Variants in PLS3 observed in about 807,000 individuals in gnomAD.
PLS3 encodes plastin 3.
PLS3 carries 11 observed loss-of-function variants against 46.5 expected under a neutral mutation model. The observed-to-expected ratio is 0.24, with a 90% confidence interval of 0.15 to 0.39. The LOEUF is 0.39. Ranked by LOEUF, PLS3 falls within the 10% of genes least tolerant of loss-of-function variation. The pLI, the probability that PLS3 is intolerant of heterozygous loss-of-function variation, is 1.00. For synonymous variants in PLS3, 167 were observed against 162.2 expected (o/e 1.03, Z -0.22); for missense variants, 308 against 461.8 (o/e 0.67, Z 3.05).
At chrX:115,637,171 G>A (rs2074846359) in intron 8 of PLS3, among the ~76,000 whole-genome samples, 193 bp downstream of exon 8, 1 of 111,820 alleles carries the variant, frequency 8.9e-6, no homozygotes, top group Non-Finnish European at 1.9e-5. Flanking sequence ...GTGGGAAAAG[G>A]TAAAAATATT....
chrX:115,613,499 C>G (rs1556636362), intron 2 of PLS3, among the ~76,000 whole-genome samples: 1 of 111,092 alleles, frequency 9.0e-6, no homozygotes, highest in Non-Finnish European at 1.9e-5. Flanking sequence ...TTTAATTATG[C>G]CTTAAAACAA....
At chrX:115,565,469 C>T (rs1556630011) in intron 1 of PLS3, among the ~76,000 whole-genome samples, 1 of 111,004 alleles carries the variant, frequency 9.0e-6, no homozygotes, top group African/African-American at 3.3e-5. Context: ...TAGTGCTCTG[C>T]CATTGACTCA....
rs184415179 is a variant in PLS3, at chrX:115,583,214, T to C, written c.-9+21954T>C. On this transcript the variant is annotated intron_variant, in intron 1 of 15. Coordinates refer to ENST00000355899, the MANE Select transcript of PLS3 (RefSeq NM_005032.7). Reference sequence around the variant, plus strand: ...TAAAGCTCAGGACAGTCTACTTGTCTGAAAAAGAAATACCAAAAGTATACA... The same window carrying C: ...TAAAGCTCAGGACAGTCTACTTGTCCGAAAAAGAAATACCAAAAGTATACA... Among the ~76,000 whole-genome samples, 304 of 112,433 alleles carry C rather than the reference T, an allele frequency of 2.7e-3. 1 individual carries two copies. The highest frequency in any genetic ancestry group is 4.3e-3 in the Non-Finnish European group (227 of 53,289).
At chrX:115,583,325 T>TA (rs1416424023) in intron 1 of PLS3, among the ~76,000 whole-genome samples, 1 of 112,684 alleles carries the variant, frequency 8.9e-6, no homozygotes, top group Non-Finnish European at 1.9e-5. Flanking sequence ...AAGCAGGCCA[T>TA]TCATGGCAAA....
chrX:115,650,741 G>C lies in PLS3; in HGVS notation c.*1180G>C. On this transcript the variant is annotated 3_prime_UTR_variant, in exon 16 of 16. Coordinates refer to ENST00000355899, the MANE Select transcript of PLS3 (RefSeq NM_005032.7). ...TGTTTGTCAGGATTTTTTTCTTTTT[G>C]TTTTTCTGATGTATTCTGTAAAATG... The C allele has an allele frequency of 9.0e-6, 1 of 111,475 alleles. No homozygotes were observed. 9.2% of individuals were successfully genotyped at this position (111,475 alleles called of 1,213,427 possible).
At chrX:115,644,475 G>A (rs1556641424) in intron 10 of PLS3, among the ~76,000 whole-genome samples, 2 of 110,120 alleles carry the variant, frequency 1.8e-5, no homozygotes, top group African/African-American at 6.6e-5. Flanking sequence ...GTGCGCACCT[G>A]TAATCCAGAT....
At chrX:115,649,337 A>G in intron 15 of PLS3, 92 bp from the exon 16 acceptor site, 3 of 736,887 alleles carry the variant, frequency 4.1e-6, no homozygotes, top group Non-Finnish European at 5.8e-6. Context: ...TTTGCATCCC[A>G]GCATAATAAT....
intron 5 of PLS3, among the ~76,000 whole-genome samples, chrX:115,630,891 AAT>A (rs1380662987): frequency 3.1e-5 from 3 of 95,483 alleles, no homozygotes; most frequent in Non-Finnish European, 4.0e-5. Context: ...ATATATGTAT[AAT>A]ATATGTATAT....
intron 1 of PLS3, among the ~76,000 whole-genome samples, chrX:115,591,881 A>C (rs782336938): frequency 1.9e-4 from 21 of 112,458 alleles, no homozygotes; most frequent in African/African-American, 6.8e-4. Flanking sequence ...ACGGAAAAAC[A>C]TGTCCTATGA....
chrX:115,610,896 G>A, intron 2 of PLS3: 1 of 1,058,313 alleles, frequency 9.4e-7, no homozygotes, highest in Non-Finnish European at 1.3e-6. Flanking sequence ...CATATAACAT[G>A]CCTTACAATT....
At position 115,636,368 on chromosome X, in the gene PLS3, G is replaced by A. The variant is rs782265213; in HGVS notation, c.749-468G>A. On this transcript the variant is annotated intron_variant, in intron 7 of 15. Coordinates refer to ENST00000355899, the MANE Select transcript of PLS3 (RefSeq NM_005032.7). ...ACTACAGGCGCCCGCCACCACGCCC[G>A]GCTAATTTTTTGAATTTTTAGTAGA... Among the ~76,000 whole-genome samples the A allele has an allele frequency of 8.2e-5, 9 of 109,902 alleles. No homozygotes were observed. The South Asian group carries it at 1.6e-3, about 20-fold the overall frequency.
Position 115,646,145 on chromosome X carries a change from A to T in PLS3, c.1336A>T (p.Asn446Tyr). 8.4e-7 allele frequency: 1 copy of T among 1,183,752 alleles called. No individual in the cohort carries two copies. The highest frequency in any genetic ancestry group is 1.1e-6 in the Non-Finnish European group (1 of 871,266). Residue 446 changes from asparagine (N) to tyrosine (Y), a missense_variant, in exon 12 of 16, where the codon AAT becomes TAT. Around this residue, in one of 2 missense-constraint regions of PLS3, gnomAD observed 271 missense variants for 435.7 expected, o/e 0.62. Coordinates refer to ENST00000355899, the MANE Select transcript of PLS3 (RefSeq NM_005032.7). Reference protein sequence around the residue: ...IKVPVDWSKVNKPPYPKLGAN... With the variant: ...IKVPVDWSKVYKPPYPKLGAN... ...AGTTCCTGTTGACTGGAGTAAGGTT[A>T]ATAAACCTCCATACCCGAAACTGGG...
At chrX:115,601,641 T>A (rs1206441976) in intron 1 of PLS3, among the ~76,000 whole-genome samples, 7 of 107,823 alleles carry the variant, frequency 6.5e-5, no homozygotes, top group Non-Finnish European at 1.1e-4. Flanking sequence ...ATAAAAAAAA[T>A]ATATAAAAAG....
intron 1 of PLS3, among the ~76,000 whole-genome samples, chrX:115,575,537 G>A (rs781848977): frequency 4.5e-5 from 5 of 111,524 alleles, no homozygotes; most frequent in African/African-American, 1.3e-4. Flanking sequence ...TCCGCCTCCC[G>A]GGTTCACGCC....
chrX:115,563,439 T>G (rs2074152718), intron 1 of PLS3, among the ~76,000 whole-genome samples: 1 of 111,322 alleles, frequency 9.0e-6, no homozygotes, highest in Non-Finnish European at 1.9e-5. Flanking sequence ...TGGCCCAAGT[T>G]AAGGTTGCTT....
intron 1 of PLS3, among the ~76,000 whole-genome samples, chrX:115,582,740 T>A (rs782314845): frequency 3.8e-4 from 43 of 112,496 alleles, no homozygotes; most frequent in Non-Finnish European, 6.2e-4. Context: ...AACATTTTTT[T>A]AAAAAATTAA....
chrX:115,568,419 AAC>A (rs2074191299), intron 1 of PLS3, among the ~76,000 whole-genome samples: 1 of 112,370 alleles, frequency 8.9e-6, no homozygotes, highest in Non-Finnish European at 1.9e-5. Context: ...AAATTGGAAT[AAC>A]ACTATATCCC....
intron 1 of PLS3, among the ~76,000 whole-genome samples, chrX:115,577,410 A>G (rs1185262698): frequency 8.9e-6 from 1 of 111,765 alleles, no homozygotes; most frequent in Non-Finnish European, 1.9e-5. Flanking sequence ...ATTGTATGTA[A>G]TATATCCAAA....
At chrX:115,579,266 A>T (rs1556631581) in intron 1 of PLS3, among the ~76,000 whole-genome samples, 1 of 112,050 alleles carries the variant, frequency 8.9e-6, no homozygotes, top group African/African-American at 3.2e-5. Context: ...TTCATTGTTG[A>T]ATAGTATTCC....
Sources: gnomAD v4.1 joint callset for allele counts (sites outside exome capture counted in the v4.1 genomes callset) on GRCh38, gnomAD v4.1.1 for gene constraint, gnomAD v4.1.1 regional missense constraint, MANE v1.5 for transcripts, NCBI Gene and HGNC (gene_info 2026-07-23, HGNC 2026-07-21) for gene names.